SLC6A18: variants seen among roughly 807,000 people sequenced by gnomAD.
SLC6A18 encodes inactive sodium-dependent neutral amino acid transporter B(0)AT3.
SLC6A18 carries 58 observed loss-of-function variants against 62.9 expected under a neutral mutation model. That is an observed-to-expected ratio of 0.92 (90% CI 0.75 to 1.15). SLC6A18 has a LOEUF of 1.15. Ranked by LOEUF, SLC6A18 falls within the 50% of genes most tolerant of loss-of-function variation. The probability of loss-of-function intolerance (pLI) is 0.00; values close to 1 mark genes in which losing one functional copy is unlikely to be tolerated. For synonymous variants in SLC6A18, 382 were observed against 365.8 expected (o/e 1.04, Z -0.51); for missense variants, 793 against 836.6 (o/e 0.95, Z 0.64).
rs1030486934 is a variant in SLC6A18, at chr5:1,241,485, C to A, written c.974+826C>A. ...ACGGCCCCACCCAGAGAGTGACCAG[C>A]CCTGAGTGTTCCAACCCCAGCCTCC... On this transcript the variant is annotated intron_variant, in intron 7 of 11. Coordinates refer to ENST00000324642, the MANE Select transcript of SLC6A18 (RefSeq NM_182632.3). The surrounding 1 kb of genome is among the most constrained non-coding windows in gnomAD (Gnocchi z 7.8). Among the ~76,000 whole-genome samples, 5 of 152,198 alleles carry A rather than the reference C, an allele frequency of 3.3e-5. No homozygotes were observed. Among genetic ancestry groups the A allele is most frequent in the Non-Finnish European group, 5.9e-5 (4 of 68,038 alleles).
At position 1,243,289 on chromosome 5, in the gene SLC6A18, ACT is replaced by A. The variant is rs1436367098; in HGVS notation, c.1132-263_1132-262del. Among the ~76,000 whole-genome samples, 2 of 152,006 alleles carry A rather than the reference ACT, an allele frequency of 1.3e-5. No homozygotes were observed. The highest frequency in any genetic ancestry group is 2.9e-5 in the Non-Finnish European group (2 of 67,974). Reference sequence around the variant, plus strand: ...TGTGGGATGCATCTCAGGGTGCCTGACTCTAGGCATAAAAGGCGCTGGTTTCT... The same window carrying A: ...TGTGGGATGCATCTCAGGGTGCCTGACTAGGCATAAAAGGCGCTGGTTTCT... On this transcript the variant is annotated intron_variant, in intron 8 of 11. Coordinates refer to ENST00000324642, the MANE Select transcript of SLC6A18 (RefSeq NM_182632.3). The surrounding 1 kb of genome is among the most constrained non-coding windows in gnomAD (Gnocchi z 6.5).
At chr5:1,233,843 G>A (rs553272649) in intron 3 of SLC6A18, among the ~76,000 whole-genome samples, 213 of 151,506 alleles carry the variant, frequency 1.4e-3, no homozygotes, top group African/African-American at 4.7e-3. Flanking sequence ...CCAGGTTCAC[G>A]CCATTCTCCT....
At chr5:1,236,362 ATTG>A (rs1427327261) in intron 4 of SLC6A18, among the ~76,000 whole-genome samples, 3 of 152,144 alleles carry the variant, frequency 2.0e-5, no homozygotes, top group African/African-American at 4.8e-5. Flanking sequence ...GCTTTGCGCT[ATTG>A]TTGTCATACA....
rs529556547 is a variant in SLC6A18, at chr5:1,243,488, G to A, written c.1132-67G>A. 9 of 1,539,328 alleles carry A rather than the reference G, an allele frequency of 5.8e-6. No individual in the cohort carries two copies. The South Asian group carries it at 1.0e-4, about 18-fold the overall frequency. ...GCCTGGGAGAGTGTGTGTCCTGCAGGCAGGCGTGTGTGTGTGGTGGAGTGT... is the reference window on the plus strand; with the variant it reads ...GCCTGGGAGAGTGTGTGTCCTGCAGACAGGCGTGTGTGTGTGGTGGAGTGT... On this transcript the variant is annotated intron_variant, in intron 8 of 11. Transcript: ENST00000324642. This position sits in a 1 kb window ranked among gnomAD's most constrained non-coding sequence, Gnocchi z 6.5.
rs779303869 is a variant in SLC6A18, at chr5:1,244,388, C to T, written c.1496+15C>T. ...GGAATGAAACGGTGAGCTGCCGCCC[C>T]GCCGAGTGCTCCTCTGGGACCCACC... On this transcript the variant is annotated intron_variant, in intron 10 of 11. Transcript: ENST00000324642. 44 of 1,613,414 alleles carry T rather than the reference C, an allele frequency of 2.7e-5. No homozygotes were observed. Among genetic ancestry groups the T allele is most frequent in the Middle Eastern group, 3.3e-4 (2 of 6,076 alleles).
intron 4 of SLC6A18, among the ~76,000 whole-genome samples, chr5:1,236,833 T>C (rs1428487762): frequency 6.6e-6 from 1 of 152,102 alleles, no homozygotes. Flanking sequence ...TTGTCATTCC[T>C]CTTACATGGA....
At chr5:1,235,695 G>T (rs1351629385) in intron 4 of SLC6A18, 33 bp downstream of exon 4, 7 of 1,610,360 alleles carry the variant, frequency 4.3e-6, no homozygotes, top group Admixed American at 3.3e-5. Flanking sequence ...CCCCTCTCTT[G>T]CTTCCTCCAG....
intron 3 of SLC6A18, 28 bp downstream of exon 3, chr5:1,232,916 G>T: frequency 6.3e-7 from 1 of 1,594,742 alleles, no homozygotes; most frequent in Non-Finnish European, 8.6e-7. Context: ...TGCTGTGTGG[G>T]TCCGTGCACG....
chr5:1,240,208 G>C (rs141545259), intron 6 of SLC6A18, among the ~76,000 whole-genome samples: 44 of 152,356 alleles, frequency 2.9e-4, no homozygotes, highest in African/African-American at 1.0e-3. Flanking sequence ...CTCCTTTGGA[G>C]ATGATTTTCC....
intron 3 of SLC6A18, among the ~76,000 whole-genome samples, chr5:1,234,747 G>A (rs1339197835): frequency 1.3e-5 from 2 of 152,244 alleles, no homozygotes; most frequent in Non-Finnish European, 2.9e-5. Flanking sequence ...TCAGAGCTGG[G>A]CTGTGACAGT....
Position 1,243,693 on chromosome 5 carries a change from G to A in SLC6A18, c.1270G>A (p.Ala424Thr). ...ATCGACCATGTTCGGGACCGTGGAG[G>A]CGGTCATCACACCCCTGCTGGACGT... Reference protein sequence around the residue: ...GLSTMFGTVEAVITPLLDVGV... With the variant: ...GLSTMFGTVETVITPLLDVGV... The change falls in exon 9 of 12, where the codon GCG becomes ACG. Residue 424 changes from alanine (A) to threonine (T), a missense_variant. Transcript: ENST00000324642. This position sits in a 1 kb window ranked among gnomAD's most constrained non-coding sequence, Gnocchi z 6.5. 1 of 1,613,932 alleles carries A rather than the reference G, an allele frequency of 6.2e-7. No homozygotes were observed. The highest frequency in any genetic ancestry group is 2.2e-5 in the East Asian group (1 of 44,862).
intron 3 of SLC6A18, 111 bp downstream of exon 3, chr5:1,232,999 G>A (rs938227484): frequency 6.9e-7 from 1 of 1,458,520 alleles, no homozygotes; most frequent in Non-Finnish European, 9.1e-7. Context: ...ACCGCGGGGG[G>A]AGGGCCGGGG....
intron 4 of SLC6A18, among the ~76,000 whole-genome samples, chr5:1,236,797 C>T (rs549121923): frequency 2.0e-5 from 3 of 152,166 alleles, no homozygotes; most frequent in Non-Finnish European, 4.4e-5. Context: ...GCCCCATGCC[C>T]TGTGCAGTGT....
chr5:1,230,344 G>A (rs965160048), intron 1 of SLC6A18, among the ~76,000 whole-genome samples: 1 of 152,156 alleles, frequency 6.6e-6, no homozygotes, highest in African/African-American at 2.4e-5. Flanking sequence ...GGGTGCCCTG[G>A]GTTTTGTTCC....
intron 1 of SLC6A18, among the ~76,000 whole-genome samples, chr5:1,228,728 C>T (rs187435966): frequency 2.6e-4 from 40 of 152,300 alleles, no homozygotes; most frequent in Admixed American, 7.2e-4. Context: ...AAAAATTAGC[C>T]GGGCGTGCTG....
At chr5:1,239,033 C>T (rs1746978506) in intron 5 of SLC6A18, among the ~76,000 whole-genome samples, 1 of 151,732 alleles carries the variant, frequency 6.6e-6, no homozygotes, top group African/African-American at 2.4e-5. Flanking sequence ...AGACAGAGGA[C>T]ACCTTCCCAG....
chr5:1,234,716 C>T (rs1163175915), intron 3 of SLC6A18, among the ~76,000 whole-genome samples: 1 of 152,328 alleles, frequency 6.6e-6, no homozygotes, highest in African/African-American at 2.4e-5. Context: ...CTCAGCCAAG[C>T]GTGGGGCAGG....
At chr5:1,236,382 T>C (rs1194963698) in intron 4 of SLC6A18, among the ~76,000 whole-genome samples, 1 of 152,244 alleles carries the variant, frequency 6.6e-6, no homozygotes, top group East Asian at 1.9e-4. Flanking sequence ...TACATTTTGC[T>C]TATAACATGT....
chr5:1,232,475 C>T (rs561573068), intron 2 of SLC6A18, 116 bp downstream of exon 2: 24 of 1,394,206 alleles, frequency 1.7e-5, no homozygotes, highest in Middle Eastern at 2.6e-4. Flanking sequence ...CAGGCCAGGC[C>T]GGCGGGTGGG....
Sources: gnomAD v4.1 joint callset for allele counts (sites outside exome capture counted in the v4.1 genomes callset) on GRCh38, gnomAD v4.1.1 for gene constraint, Gnocchi (gnomAD v3.1) non-coding constraint, MANE v1.5 for transcripts, NCBI Gene and HGNC (gene_info 2026-07-23, HGNC 2026-07-21) for gene names.